The following MED13L variants were observed in gnomAD, a reference collection of about 807,000 sequenced individuals.
MED13L encodes mediator of RNA polymerase II transcription subunit 13-like.
In MED13L, 7 loss-of-function variants were observed where a neutral mutation model predicts 220.9. The ratio of observed to expected loss-of-function variants is 0.03; its 90% CI spans 0.02 to 0.06. MED13L has a LOEUF of 0.06. Ranked by LOEUF, MED13L falls within the 10% of genes least tolerant of loss-of-function variation. MED13L has a pLI of 1.00. For synonymous variants in MED13L, 1,011 were observed against 1,015.2 expected (o/e 1.00, Z 0.08); for missense variants, 1,965 against 2,760.5 (o/e 0.71, Z 6.46).
At chr12:116,019,485 C>G in intron 6 of MED13L, 73 bp from the exon 7 acceptor site, 1 of 1,531,714 alleles carries the variant, frequency 6.5e-7, no homozygotes, top group African/African-American at 1.4e-5. Context: ...TTTTATGATT[C>G]CAATGGTGAA....
At chr12:115,971,684 T>G (rs1385750878) in intron 26 of MED13L, among the ~76,000 whole-genome samples, 3 of 152,190 alleles carry the variant, frequency 2.0e-5, no homozygotes, top group African/African-American at 7.2e-5. Flanking sequence ...GAAATATCCC[T>G]TCGAGGCTGC....
At chr12:116,262,341 T>A (rs1338086164) in intron 1 of MED13L, among the ~76,000 whole-genome samples, 1 of 152,204 alleles carries the variant, frequency 6.6e-6, no homozygotes, top group South Asian at 2.1e-4. Context: ...TTATTTCTAT[T>A]TTCAATTCCA....
At chr12:116,266,790 G>C (rs1459364313) in intron 1 of MED13L, among the ~76,000 whole-genome samples, 2 of 152,130 alleles carry the variant, frequency 1.3e-5, no homozygotes, top group Non-Finnish European at 2.9e-5. Context: ...TAAACCTCTA[G>C]ATACAACTTA....
intron 1 of MED13L, among the ~76,000 whole-genome samples, chr12:116,260,598 A>G (rs1872438725): frequency 6.6e-6 from 1 of 152,224 alleles, no homozygotes; most frequent in African/African-American, 2.4e-5. Context: ...TCACGGAAAC[A>G]AAGAATAGAA....
rs1351447961 is a variant in MED13L, at chr12:116,063,511, C to A, written c.479+33158G>T. 2.6e-5 allele frequency among the ~76,000 whole-genome samples: 4 copies of A among 152,198 alleles called. No individual in the cohort carries two copies. The South Asian group carries it at 8.3e-4, about 32-fold the overall frequency. ...TCAGCCTGGGCAACAGAACAAGACC[C>A]TGTCTCAAACAAACAAACAAACCAA... is the stretch of plus-strand genomic sequence containing the variant. On this transcript the variant is annotated intron_variant, in intron 4 of 30. Transcript: ENST00000281928.
At chr12:116,102,875 C>T (rs1363928137) in intron 3 of MED13L, among the ~76,000 whole-genome samples, 1 of 151,712 alleles carries the variant, frequency 6.6e-6, no homozygotes, top group Admixed American at 6.6e-5. Context: ...ACGCGCCCCA[C>T]CACGCCTAAT....
At chr12:116,083,954 T>C (rs1350381130) in intron 4 of MED13L, among the ~76,000 whole-genome samples, 1 of 152,216 alleles carries the variant, frequency 6.6e-6, no homozygotes, top group Non-Finnish European at 1.5e-5. Context: ...CACAATGATG[T>C]AGCCAGAAGA....
chr12:116,121,516 A>G (rs1488488327), intron 2 of MED13L, among the ~76,000 whole-genome samples: 3 of 152,154 alleles, frequency 2.0e-5, no homozygotes, highest in Non-Finnish European at 2.9e-5. Flanking sequence ...AAGGGGAAAA[A>G]AAAATGGGAG....
intron 2 of MED13L, among the ~76,000 whole-genome samples, chr12:116,116,824 C>T (rs1432960538): frequency 6.6e-6 from 1 of 151,766 alleles, no homozygotes; most frequent in African/African-American, 2.4e-5. Flanking sequence ...CTCTCCACCT[C>T]TGCAACATTT....
intron 2 of MED13L, among the ~76,000 whole-genome samples, chr12:116,211,247 A>G (rs1342065332): frequency 6.6e-6 from 1 of 152,190 alleles, no homozygotes; most frequent in Non-Finnish European, 1.5e-5. Context: ...GCCTCTAGCC[A>G]TATGTAGCTA....
chr12:115,975,039 T>C (rs1876839341), intron 25 of MED13L, 132 bp downstream of exon 25: 2 of 960,824 alleles, frequency 2.1e-6, no homozygotes, highest in Non-Finnish European at 3.2e-6. Flanking sequence ...ATCCTGTACA[T>C]ATAAAAGAAT....
At chr12:116,153,939 T>C (rs182197452) in intron 2 of MED13L, among the ~76,000 whole-genome samples, 1 of 152,236 alleles carries the variant, frequency 6.6e-6, no homozygotes, top group East Asian at 1.9e-4. Flanking sequence ...TTAATGCGTA[T>C]ACACAAATCA....
intron 22 of MED13L, among the ~76,000 whole-genome samples, chr12:115,981,146 A>C (rs1160969198): frequency 1.3e-5 from 2 of 152,190 alleles, no homozygotes; most frequent in Admixed American, 6.5e-5. Flanking sequence ...TATCACCAGC[A>C]ATTTCAAAAG....
chr12:116,266,140 A>C (rs1160921595), intron 1 of MED13L, among the ~76,000 whole-genome samples: 1 of 152,182 alleles, frequency 6.6e-6, no homozygotes, highest in Non-Finnish European at 1.5e-5. Flanking sequence ...CAAAACATTA[A>C]CATTTCTAAG....
chr12:116,181,167 G>C (rs960316645), intron 2 of MED13L: 1 of 152,056 alleles, frequency 6.6e-6, no homozygotes, highest in Non-Finnish European at 1.5e-5. Flanking sequence ...CTGACCTGGT[G>C]ATCCGCCCAC....
In MED13L at chr12:115,964,659, A is replaced by T. The variant is rs561472115; in HGVS notation, c.6388-1140T>A. On this transcript the variant is annotated intron_variant, in intron 29 of 30. Transcript: ENST00000281928. ...TTCTATCACTGTCATCATTTTTTTT[A>T]ATGATCACACTGTCCCATCCTATCC... Among the ~76,000 whole-genome samples, 34 of 152,202 alleles carry T rather than the reference A, an allele frequency of 2.2e-4. No individual in the cohort carries two copies. In the East Asian group the frequency reaches 6.6e-3, roughly 29 times the overall value.
chr12:116,037,011 G>A (rs551989853), intron 4 of MED13L, among the ~76,000 whole-genome samples: 20 of 152,196 alleles, frequency 1.3e-4, no homozygotes, highest in Admixed American at 2.6e-4. Context: ...CAATGAAAAC[G>A]TCCAGGAAAG....
Position 115,983,327 on chromosome 12 carries a change from G to A in MED13L, c.4745C>T (p.Ser1582Phe), listed in dbSNP as rs748040838. ...AGACGATGAGACCGGTGGCACAGAG[G>A]AACCAGATGCAGAACTACTTGCTGC... is the stretch of plus-strand genomic sequence containing the variant. The part of the protein sequence containing the change: ...NPAASSSASG[S>F]SVPPVSSSAS... Residue 1582 changes from serine (S) to phenylalanine (F), a missense_variant, in exon 21 of 31, where the codon TCC (serine) becomes TTC (phenylalanine). By Grantham distance (155) the Ser-to-Phe change is radical. Around this residue, in one of 10 missense-constraint regions of MED13L, gnomAD observed 510 missense variants for 620.4 expected, o/e 0.82. Transcript: ENST00000281928. 8.7e-6 allele frequency: 14 copies of A among 1,614,182 alleles called. No individual in the cohort carries two copies. The Admixed American group carries it at 2.2e-4, about 25-fold the overall frequency.
chr12:116,065,528 A>T (rs933473306), intron 4 of MED13L, among the ~76,000 whole-genome samples: 9 of 152,224 alleles, frequency 5.9e-5, no homozygotes, highest in Admixed American at 2.6e-4. Flanking sequence ...CCTCCAAGGC[A>T]AGATTACATG....
Sources: gnomAD v4.1 joint callset for allele counts (sites outside exome capture counted in the v4.1 genomes callset) on GRCh38, gnomAD v4.1.1 for gene constraint, gnomAD v4.1.1 regional missense constraint, MANE v1.5 for transcripts, NCBI Gene and HGNC (gene_info 2026-07-23, HGNC 2026-07-21) for gene names.